The following CELF2 variants were observed in gnomAD, a reference collection of about 807,000 sequenced individuals.
The protein encoded by CELF2 is CUGBP Elav-like family member 2.
Under a neutral mutation model 62.6 loss-of-function variants are expected in CELF2, and 8 were observed. The ratio of observed to expected loss-of-function variants is 0.13; its 90% CI spans 0.07 to 0.23. The LOEUF (loss-of-function observed/expected upper bound fraction) is 0.23, where lower values mean the gene tolerates loss of function less well. Ranked by LOEUF, CELF2 falls within the 10% of genes least tolerant of loss-of-function variation. The pLI is 1.00. For synonymous variants in CELF2, 258 were observed against 250.0 expected (o/e 1.03, Z -0.30); for missense variants, 333 against 671.0 (o/e 0.50, Z 5.56).
chr10:10,475,031 G>T, the CELF2 span, among the ~76,000 whole-genome samples: 1 of 152,098 alleles, frequency 6.6e-6, no homozygotes, highest in African/African-American at 2.4e-5. Context: ...CTGAGAAGAT[G>T]CCAAGTTCAG....
the CELF2 span, among the ~76,000 whole-genome samples, chr10:10,646,318 A>G: frequency 6.6e-6 from 1 of 152,242 alleles, no homozygotes; most frequent in Non-Finnish European, 1.5e-5. Flanking sequence ...AAGACAGAGT[A>G]TGTGCCTGGG....
At chr10:11,146,025 A>T (rs913876685) in intron 1 of CELF2, among the ~76,000 whole-genome samples, 1 of 152,222 alleles carries the variant, frequency 6.6e-6, no homozygotes, top group African/African-American at 2.4e-5. Flanking sequence ...TCCTTACAAC[A>T]GCATGGAGAG....
chr10:11,086,528 A>T (rs1469883116), intron 1 of CELF2, among the ~76,000 whole-genome samples: 1 of 144,114 alleles, frequency 6.9e-6, no homozygotes, highest in Non-Finnish European at 1.5e-5. Context: ...TAACACTGAA[A>T]GAGCGTTTTT....
chr10:10,851,326 C>T (rs1450917131), intron 1 of CELF2, among the ~76,000 whole-genome samples: 2 of 152,146 alleles, frequency 1.3e-5, no homozygotes. Context: ...TTCAGAGCAG[C>T]TTTTTGGTAC....
intron 3 of CELF2, among the ~76,000 whole-genome samples, chr10:11,245,645 C>T (rs1481932350): frequency 1.3e-5 from 2 of 152,188 alleles, no homozygotes. Flanking sequence ...AGTCTTACGG[C>T]AGCACAAGCC....
the CELF2 span, among the ~76,000 whole-genome samples, chr10:10,752,378 A>G: frequency 6.6e-6 from 1 of 152,168 alleles, no homozygotes; most frequent in Non-Finnish European, 1.5e-5. Context: ...TTAGCAGGAC[A>G]TGACGTTTTG....
intron 8 of CELF2, among the ~76,000 whole-genome samples, chr10:11,283,628 G>A (rs1266639561): frequency 1.3e-5 from 2 of 151,378 alleles, no homozygotes; most frequent in African/African-American, 4.9e-5. Flanking sequence ...GGATGGGTGG[G>A]TGGGTGGATG....
chr10:10,840,006 G>A (rs2058573286), intron 1 of CELF2, among the ~76,000 whole-genome samples: 2 of 152,148 alleles, frequency 1.3e-5, no homozygotes, highest in Non-Finnish European at 2.9e-5. Context: ...ACTTCACAGA[G>A]TTTTGTCTAT....
Position 11,296,728 on chromosome 10 carries a change from G to A in CELF2, c.976+8176G>A, listed in dbSNP as rs143707907. ...TACAGCACAGACAGCAGGAAGGCAGGTAAGGTACAGGGGTCAGTGACAGGA... is the reference window on the plus strand; with the variant it reads ...TACAGCACAGACAGCAGGAAGGCAGATAAGGTACAGGGGTCAGTGACAGGA... On this transcript the variant is annotated intron_variant, in intron 9 of 12. Coordinates refer to ENST00000633077, the MANE Select transcript of CELF2 (RefSeq NM_001326342.2). The surrounding 1 kb of genome is among the most constrained non-coding windows in gnomAD (Gnocchi z 5.0). Among the ~76,000 whole-genome samples the A allele has an allele frequency of 1.8e-3, 270 of 152,316 alleles. 2 individuals carry two copies. The East Asian group carries it at 0.045, about 25-fold the overall frequency.
At chr10:10,979,826 G>A (rs2051851235) in intron 2 of CELF2, among the ~76,000 whole-genome samples, 1 of 152,190 alleles carries the variant, frequency 6.6e-6, no homozygotes, top group Non-Finnish European at 1.5e-5. Context: ...GGCAGGGAAT[G>A]AAATGCTGAT....
the CELF2 span, among the ~76,000 whole-genome samples, chr10:10,710,731 A>C: frequency 1.3e-5 from 2 of 152,180 alleles, no homozygotes; most frequent in Admixed American, 1.3e-4. Flanking sequence ...TAAAAACTTC[A>C]CGAGAAACAC....
chr10:10,900,984 G>T (rs976646621), intron 1 of CELF2, among the ~76,000 whole-genome samples: 1 of 152,148 alleles, frequency 6.6e-6, no homozygotes, highest in Non-Finnish European at 1.5e-5. Flanking sequence ...GACAAAAGAG[G>T]TGAAAATCTG....
chr10:11,199,850 CAG>C (rs1379380858), intron 2 of CELF2, among the ~76,000 whole-genome samples: 2 of 152,168 alleles, frequency 1.3e-5, no homozygotes, highest in Non-Finnish European at 2.9e-5. Flanking sequence ...TAAAACCAGT[CAG>C]AGTGTTTAAG....
At chr10:10,463,024 A>T in the CELF2 span, among the ~76,000 whole-genome samples, 7 of 152,132 alleles carry the variant, frequency 4.6e-5, no homozygotes, top group African/African-American at 1.7e-4. Flanking sequence ...CAGGAAGTGC[A>T]ATGATGAAAC....
At chr10:10,502,986 A>G in the CELF2 span, among the ~76,000 whole-genome samples, 1 of 151,966 alleles carries the variant, frequency 6.6e-6, no homozygotes, top group African/African-American at 2.4e-5. Flanking sequence ...CTTGCATTTT[A>G]ACCCACAGAT....
chr10:11,044,010 C>G lies in CELF2; in HGVS notation c.74+25847C>G, dbSNP rs372517341. Among the ~76,000 whole-genome samples the G allele has an allele frequency of 2.8e-4, 42 of 152,320 alleles. 1 individual carries two copies. In the East Asian group the frequency reaches 7.9e-3, roughly 29 times the overall value. On this transcript the variant is annotated intron_variant, in intron 1 of 12. Transcript: ENST00000633077. ...ACACCCTCTTCAGGTTGTCTGTGCT[C>G]GCTCTTCTCTCTGCCCTGAACCCTC...
At chr10:10,486,666 C>A in the CELF2 span, among the ~76,000 whole-genome samples, 1 of 152,028 alleles carries the variant, frequency 6.6e-6, no homozygotes, top group African/African-American at 2.4e-5. Context: ...TTCCTTTGAG[C>A]GTCATGTCAG....
At chr10:10,900,998 A>G (rs932440621) in intron 1 of CELF2, among the ~76,000 whole-genome samples, 36 of 152,256 alleles carry the variant, frequency 2.4e-4, no homozygotes, top group African/African-American at 8.4e-4. Context: ...AAATCTGTAC[A>G]CTGAAAACAC....
chr10:10,811,053 C>T (rs2055830597), intron 1 of CELF2, among the ~76,000 whole-genome samples: 1 of 152,150 alleles, frequency 6.6e-6, no homozygotes, highest in African/African-American at 2.4e-5. Flanking sequence ...CGCTGTGCTC[C>T]TACAGACATG....
Sources: allele counts gnomAD v4.1 joint callset (sites outside exome capture counted in the v4.1 genomes callset), GRCh38; gene constraint gnomAD v4.1.1; non-coding constraint Gnocchi (gnomAD v3.1); transcripts MANE v1.5; gene names NCBI Gene and HGNC (gene_info 2026-07-23, HGNC 2026-07-21).